The following DGKD variants were observed in gnomAD, a reference collection of about 807,000 sequenced individuals.
DGKD encodes the protein diacylglycerol kinase delta.
In DGKD, 68 loss-of-function variants were observed where a neutral mutation model predicts 154.4. The observed-to-expected ratio is 0.44, with a 90% CI of 0.36 to 0.54. The LOEUF is 0.54. DGKD is among the 20% of genes least tolerant of loss of function. DGKD has a pLI of 0.00. For missense variants in DGKD, 1,343 were observed against 1,593.6 expected (o/e 0.84, Z 2.68); for synonymous variants, 693 against 638.0 (o/e 1.09, Z -1.30).
chr2:233,421,762 A>G (rs767376974), intron 3 of DGKD, among the ~76,000 whole-genome samples: 8 of 152,198 alleles, frequency 5.3e-5, no homozygotes, highest in Non-Finnish European at 1.0e-4. Context: ...GTCACCAGCT[A>G]CTACTCTCCA....
intron 1 of DGKD, among the ~76,000 whole-genome samples, chr2:233,355,524 TCTC>T (rs1355671254): frequency 6.6e-6 from 1 of 152,178 alleles, no homozygotes; most frequent in Non-Finnish European, 1.5e-5. Context: ...GCACGGACTT[TCTC>T]CTCCTGCTGC....
rs1214518221 is a variant in DGKD at position 233,449,717 on chromosome 2, C to T, written c.1889-265C>T. On this transcript the variant is annotated intron_variant, in intron 15 of 29. Coordinates refer to ENST00000264057, the MANE Select transcript of DGKD (RefSeq NM_152879.3). The surrounding 1 kb of genome is among the most constrained non-coding windows in gnomAD (Gnocchi z 5.3). ...AGCCGCTCCTCCCGCTTGCAGCCCT[C>T]CAGCCTGCGCCAGGCTCCTCTGCAT... 6.6e-6 allele frequency among the ~76,000 whole-genome samples: 1 copy of T among 152,220 alleles called. No homozygotes were observed. The highest frequency in any genetic ancestry group is 1.5e-5 in the Non-Finnish European group (1 of 68,044).
At chr2:233,384,297 G>T (rs1157692418) in intron 1 of DGKD, among the ~76,000 whole-genome samples, 1 of 152,156 alleles carries the variant, frequency 6.6e-6, no homozygotes. Flanking sequence ...CGATCTTCTC[G>T]ACGTGCTCTC....
intron 3 of DGKD, chr2:233,429,071 A>G (rs2062417451): frequency 2.1e-6 from 2 of 972,580 alleles, no homozygotes; most frequent in African/African-American, 3.5e-5. Context: ...AGTAGTGCCC[A>G]ATACCCACAA....
intron 1 of DGKD, among the ~76,000 whole-genome samples, chr2:233,380,280 G>A (rs1444384561): frequency 2.6e-5 from 4 of 152,128 alleles, no homozygotes; most frequent in African/African-American, 9.7e-5. Context: ...TGGAGGCCTG[G>A]CCCCTGGGGA....
intron 10 of DGKD, 193 bp downstream of exon 10, chr2:233,442,188 A>G (rs867863684): frequency 2.9e-6 from 2 of 693,242 alleles, no homozygotes; most frequent in East Asian, 2.8e-5. Context: ...GGCATTGTGG[A>G]GGCCCGGGGG....
At chr2:233,450,192 CG>C in intron 16 of DGKD, 61 bp downstream of exon 16, 1 of 1,508,562 alleles carries the variant, frequency 6.6e-7, no homozygotes, top group South Asian at 1.3e-5. Flanking sequence ...TGAGACGTAG[CG>C]GGCTTGCCAG....
rs1431392608 is a variant in DGKD, at chr2:233,445,918, T to C, written c.1334+156T>C. ...GTATATATTCGGATAGTCTTTGATA[T>C]TTGGTCAGATTATGACAAGGATAAA... On this transcript the variant is annotated intron_variant, in intron 11 of 29. Transcript: ENST00000264057. The surrounding 1 kb of genome is among the most constrained non-coding windows in gnomAD (Gnocchi z 5.5). Among the ~76,000 whole-genome samples the C allele has an allele frequency of 1.3e-5, 2 of 152,178 alleles. No individual in the cohort carries two copies. Among genetic ancestry groups the C allele is most frequent in the African/African-American group, 4.8e-5 (2 of 41,432 alleles).
Position 233,457,388 on chromosome 2 carries a change from AG to A in DGKD, c.2580+66del, listed in dbSNP as rs748263598. ...CAGTGGGGAAGAGCTGTCTGAGAGCAGGGGGGTGTTCTGCTGTGGCTGGGGT... is the reference window on the plus strand; with the variant it reads ...CAGTGGGGAAGAGCTGTCTGAGAGCAGGGGGTGTTCTGCTGTGGCTGGGGT... On this transcript the variant is annotated intron_variant, in intron 21 of 29. Transcript: ENST00000264057. This position sits in a 1 kb window ranked among gnomAD's most constrained non-coding sequence, Gnocchi z 5.5. The A allele has an allele frequency of 1.7e-5, 22 of 1,272,858 alleles. No homozygotes were observed. The highest frequency in any genetic ancestry group is 1.7e-5 in the Admixed American group (1 of 59,166). 78.8% of individuals were successfully genotyped at this position (1,272,858 alleles called of 1,614,324 possible).
intron 24 of DGKD, among the ~76,000 whole-genome samples, chr2:233,461,024 A>C (rs2063617058): frequency 6.6e-6 from 1 of 151,838 alleles, no homozygotes; most frequent in Non-Finnish European, 1.5e-5. Flanking sequence ...ACTTTAAAAA[A>C]AAAAAAAAAA....
intron 1 of DGKD, among the ~76,000 whole-genome samples, chr2:233,377,596 A>G (rs1702647158): frequency 6.6e-6 from 1 of 152,180 alleles, no homozygotes. Flanking sequence ...TTTGTAGCAC[A>G]TAGCCTTGTA....
chr2:233,382,649 G>A (rs1307069514), intron 1 of DGKD, among the ~76,000 whole-genome samples: 1 of 152,078 alleles, frequency 6.6e-6, no homozygotes, highest in African/African-American at 2.4e-5. Context: ...CGTGGCAGCT[G>A]TTTTTCATTT....
chr2:233,411,226 CA>C (rs1381490814), intron 3 of DGKD, among the ~76,000 whole-genome samples: 7 of 152,148 alleles, frequency 4.6e-5, no homozygotes, highest in African/African-American at 1.7e-4. Context: ...ATCGCTGGAT[CA>C]TATAGTAGGT....
intron 3 of DGKD, among the ~76,000 whole-genome samples, chr2:233,391,666 T>G (rs1446048757): frequency 6.6e-6 from 1 of 152,208 alleles, no homozygotes; most frequent in Non-Finnish European, 1.5e-5. Context: ...AAATTATTCT[T>G]TTATAATTCA....
chr2:233,449,001 G>A lies in DGKD; in HGVS notation c.1615-102G>A. ...CGTGGAGAGTTAGGATTTTCCTTTT[G>A]ATCGAGTTCTAGGAAGTCTGGGTGA... On this transcript the variant is annotated intron_variant, in intron 14 of 29. Transcript: ENST00000264057. This position sits in a 1 kb window ranked among gnomAD's most constrained non-coding sequence, Gnocchi z 5.3. The A allele has an allele frequency of 1.4e-6, 2 of 1,410,078 alleles. No homozygotes were observed. The highest frequency in any genetic ancestry group is 2.3e-5 in the Admixed American group (1 of 44,154). The allele number at this position is 1,410,078 out of a possible 1,614,324, so 87.3% of individuals were successfully genotyped here. A position where few individuals can be genotyped will look rare whatever the true frequency, so the allele number is the denominator to read the frequency against.
chr2:233,459,691 T>A lies in DGKD; in HGVS notation c.2695-66T>A. On this transcript the variant is annotated intron_variant, in intron 22 of 29. Transcript: ENST00000264057. The surrounding 1 kb of genome is among the most constrained non-coding windows in gnomAD (Gnocchi z 5.7). ...TGGAGCAGGAAGGTCATGGTGGTGC[T>A]GATAGCACTTTTAAACCCCTGGGGG... 1 of 1,573,786 alleles carries A rather than the reference T, an allele frequency of 6.4e-7. No homozygotes were observed. The highest frequency in any genetic ancestry group is 8.6e-7 in the Non-Finnish European group (1 of 1,157,974).
chr2:233,415,092 G>T (rs1055354254), intron 3 of DGKD, among the ~76,000 whole-genome samples: 2 of 152,126 alleles, frequency 1.3e-5, no homozygotes, highest in Admixed American at 6.5e-5. Flanking sequence ...CCACACTTTG[G>T]ACTCTGTCCC....
At chr2:233,397,921 A>G (rs1445360825) in intron 3 of DGKD, among the ~76,000 whole-genome samples, 1 of 151,026 alleles carries the variant, frequency 6.6e-6, no homozygotes. Context: ...AGTCCAGAAG[A>G]GGGGCTGTGG....
rs2063501120 is a variant in DGKD, at chr2:233,457,599, G to A, written c.2580+271G>A. On this transcript the variant is annotated intron_variant, in intron 21 of 29. Coordinates refer to ENST00000264057, the MANE Select transcript of DGKD (RefSeq NM_152879.3). The surrounding 1 kb of genome is among the most constrained non-coding windows in gnomAD (Gnocchi z 5.5). ...TGACGTGGAAGGAGGGTCAGGGAAG[G>A]TGTCTGGGAGGCCAAGACCTGAAGG... is the stretch of plus-strand genomic sequence containing the variant. The A allele has an allele frequency of 1.7e-6, 1 of 578,540 alleles. No individual in the cohort carries two copies. The highest frequency in any genetic ancestry group is 3.3e-6 in the Non-Finnish European group (1 of 305,080). 35.8% of individuals were successfully genotyped at this position (578,540 alleles called of 1,614,324 possible).
Sources: gnomAD v4.1 joint callset for allele counts (sites outside exome capture counted in the v4.1 genomes callset) on GRCh38, gnomAD v4.1.1 for gene constraint, Gnocchi (gnomAD v3.1) non-coding constraint, MANE v1.5 for transcripts, NCBI Gene and HGNC (gene_info 2026-07-23, HGNC 2026-07-21) for gene names.